ROR2: variants seen among roughly 807,000 people sequenced by gnomAD.
ROR2 encodes tyrosine-protein kinase transmembrane receptor ROR2.
In ROR2, 33 loss-of-function variants were observed where a neutral mutation model predicts 74.9. The observed-to-expected ratio is 0.44, with a 90% CI of 0.33 to 0.59. The LOEUF (loss-of-function observed/expected upper bound fraction) is 0.59, where lower values mean the gene tolerates loss of function less well. Among genes scored for constraint, ROR2 ranks in the 20% least tolerant of loss-of-function variants. The probability of loss-of-function intolerance (pLI) is 0.02; values close to 1 mark genes in which losing one functional copy is unlikely to be tolerated. For synonymous variants in ROR2, 586 were observed against 558.7 expected (o/e 1.05, Z -0.69); for missense variants, 1,216 against 1,313.8 (o/e 0.93, Z 1.15).
At chr9:91,829,782 A>C (rs2119179642) in intron 1 of ROR2, among the ~76,000 whole-genome samples, 1 of 152,326 alleles carries the variant, frequency 6.6e-6, no homozygotes, top group South Asian at 2.1e-4. Flanking sequence ...ATGTTCATTA[A>C]TGGAAACATT....
intron 1 of ROR2, among the ~76,000 whole-genome samples, chr9:91,806,094 G>A (rs1294920865): frequency 1.3e-5 from 2 of 152,232 alleles, no homozygotes; most frequent in African/African-American, 2.4e-5. Flanking sequence ...GTTCGGGTGT[G>A]GAGGGCTGAA....
chr9:91,902,504 C>T (rs1016511988), intron 1 of ROR2, among the ~76,000 whole-genome samples: 2 of 152,018 alleles, frequency 1.3e-5, no homozygotes, highest in Non-Finnish European at 2.9e-5. Context: ...GCTGGGTGGT[C>T]GTGGCTGTGA....
Position 91,733,747 on chromosome 9 carries a change from AG to A in ROR2, c.623-312del, listed in dbSNP as rs1332620355. Reference sequence around the variant, plus strand: ...ACTCGGCCCCCTAGCTCACTCCGCTAGGTGCTTCTTCCAGGACAAGAGGGTT... The same window carrying A: ...ACTCGGCCCCCTAGCTCACTCCGCTAGTGCTTCTTCCAGGACAAGAGGGTT... On this transcript the variant is annotated intron_variant, in intron 5 of 8. Transcript: ENST00000375708. The surrounding 1 kb of genome is among the most constrained non-coding windows in gnomAD (Gnocchi z 5.7). Among the ~76,000 whole-genome samples the A allele has an allele frequency of 1.3e-5, 2 of 152,210 alleles. No individual in the cohort carries two copies. Among genetic ancestry groups the A allele is most frequent in the Non-Finnish European group, 2.9e-5 (2 of 68,046 alleles).
chr9:91,888,845 T>G (rs556391897), intron 1 of ROR2, among the ~76,000 whole-genome samples: 2 of 152,118 alleles, frequency 1.3e-5, no homozygotes, highest in African/African-American at 4.8e-5. Flanking sequence ...CTTTATTCAC[T>G]CCTCTCTGCT....
chr9:91,880,463 C>T (rs978645056), intron 1 of ROR2, among the ~76,000 whole-genome samples: 3 of 152,196 alleles, frequency 2.0e-5, no homozygotes, highest in Non-Finnish European at 4.4e-5. Flanking sequence ...CTGGATAAAA[C>T]AGTAGTGCTG....
chr9:91,763,838 T>C (rs528307913), intron 2 of ROR2, among the ~76,000 whole-genome samples: 1 of 152,360 alleles, frequency 6.6e-6, no homozygotes, highest in Admixed American at 6.5e-5. Flanking sequence ...TGTGCTTTAA[T>C]TGCACTGTTG....
At chr9:91,912,783 T>C (rs60615538) in intron 1 of ROR2, among the ~76,000 whole-genome samples, 6,053 of 152,280 alleles carry the variant, frequency 0.04, 402 homozygotes, top group African/African-American at 0.14. Context: ...AATAGAATAA[T>C]TTCATTTTTA....
At chr9:91,885,748 C>A (rs1419922031) in intron 1 of ROR2, among the ~76,000 whole-genome samples, 1 of 151,998 alleles carries the variant, frequency 6.6e-6, no homozygotes, top group African/African-American at 2.4e-5. Flanking sequence ...ATACCTAGGT[C>A]TTATCTAAAT....
At chr9:91,858,595 T>C (rs1030443364) in intron 1 of ROR2, among the ~76,000 whole-genome samples, 1 of 152,178 alleles carries the variant, frequency 6.6e-6, no homozygotes, top group African/African-American at 2.4e-5. Flanking sequence ...ATTTGAGAAC[T>C]GCTAGGGCGG....
At chr9:91,906,619 C>T (rs540720996) in intron 1 of ROR2, among the ~76,000 whole-genome samples, 44 of 152,270 alleles carry the variant, frequency 2.9e-4, no homozygotes, top group African/African-American at 1.0e-3. Context: ...TTTGTTCTTT[C>T]GTTGTTGTTA....
intron 1 of ROR2, among the ~76,000 whole-genome samples, chr9:91,809,926 CG>C (rs1396318915): frequency 6.6e-6 from 1 of 152,236 alleles, no homozygotes; most frequent in African/African-American, 2.4e-5. Context: ...GGAATTGAAA[CG>C]AGTGCCTCTC....
At position 91,733,440 on chromosome 9, in the gene ROR2, C is replaced by T; in HGVS notation, c.623-4G>A. 1 of 1,609,552 alleles carries T rather than the reference C, an allele frequency of 6.2e-7. No individual in the cohort carries two copies. Among genetic ancestry groups the T allele is most frequent in the Non-Finnish European group, 8.5e-7 (1 of 1,179,310 alleles). On this transcript the variant is annotated splice_polypyrimidine_tract_variant and splice_region_variant and intron_variant, in intron 5 of 8. Coordinates refer to ENST00000375708, the MANE Select transcript of ROR2 (RefSeq NM_004560.4). This position sits in a 1 kb window ranked among gnomAD's most constrained non-coding sequence, Gnocchi z 5.7. ...GTGCCGATCATGGTGAAGGCCGCTG[C>T]AGAGCCCGCGAGACTCGCGTTAGCG...
intron 1 of ROR2, among the ~76,000 whole-genome samples, chr9:91,854,493 C>A (rs1829214224): frequency 6.6e-6 from 1 of 152,242 alleles, no homozygotes; most frequent in Non-Finnish European, 1.5e-5. Context: ...AGAGTTGTCA[C>A]TGCAAGGTAA....
intron 1 of ROR2, among the ~76,000 whole-genome samples, chr9:91,782,542 G>A (rs899554945): frequency 7.0e-6 from 1 of 143,778 alleles, no homozygotes; most frequent in Admixed American, 7.2e-5. Flanking sequence ...TAATTGTCTT[G>A]GGCCACACGT....
At chr9:91,754,785 C>T (rs1030395322) in intron 4 of ROR2, among the ~76,000 whole-genome samples, 5 of 152,172 alleles carry the variant, frequency 3.3e-5, no homozygotes, top group Non-Finnish European at 5.9e-5. Flanking sequence ...TTCTTCTTTC[C>T]TTACTCTGTG....
chr9:91,750,541 G>A (rs528209580), intron 4 of ROR2, among the ~76,000 whole-genome samples: 5 of 152,256 alleles, frequency 3.3e-5, no homozygotes, highest in South Asian at 4.1e-4. Flanking sequence ...TCAGCGCCAC[G>A]CCTGGGAGCC....
At chr9:91,789,946 G>T (rs554118150) in intron 1 of ROR2, among the ~76,000 whole-genome samples, 4 of 152,144 alleles carry the variant, frequency 2.6e-5, no homozygotes, top group African/African-American at 9.6e-5. Flanking sequence ...AACACACTTC[G>T]AATTCAAAAA....
intron 7 of ROR2, 131 bp from the exon 8 acceptor site, chr9:91,726,874 G>A: frequency 3.7e-6 from 3 of 815,556 alleles, no homozygotes; most frequent in Non-Finnish European, 6.1e-6. Flanking sequence ...GTTACACAAT[G>A]GGGTAAAAGG....
chr9:91,753,329 G>A (rs1335638894), intron 4 of ROR2, among the ~76,000 whole-genome samples: 1 of 152,182 alleles, frequency 6.6e-6, no homozygotes, highest in Admixed American at 6.5e-5. Flanking sequence ...TGAGTGCCAA[G>A]CAATGTGTGT....
Sources: allele counts gnomAD v4.1 joint callset (sites outside exome capture counted in the v4.1 genomes callset), GRCh38; gene constraint gnomAD v4.1.1; non-coding constraint Gnocchi (gnomAD v3.1); transcripts MANE v1.5; gene names NCBI Gene and HGNC (gene_info 2026-07-23, HGNC 2026-07-21).